COL22A1: variants seen among roughly 807,000 people sequenced by gnomAD.
The protein encoded by COL22A1 is collagen type XXII alpha 1 chain.
A neutral mutation model predicts 248.9 loss-of-function variants in COL22A1; 221 were observed. The observed-to-expected ratio is 0.89, with a 90% CI of 0.80 to 0.99. The LOEUF is 0.99. COL22A1 is among the 50% of genes least tolerant of loss of function. The pLI is 0.00. For missense variants in COL22A1, 2,240 were observed against 2,179.0 expected (o/e 1.03, Z -0.56); for synonymous variants, 891 against 793.4 (o/e 1.12, Z -2.07).
At chr8:138,858,163 C>T (rs1306102272) in intron 3 of COL22A1, among the ~76,000 whole-genome samples, 1 of 152,132 alleles carries the variant, frequency 6.6e-6, no homozygotes, top group African/African-American at 2.4e-5. Context: ...ACGTGTGTGG[C>T]ACCTCCAGCC....
At chr8:138,723,324 TG>T (rs1830044849) in intron 25 of COL22A1, among the ~76,000 whole-genome samples, 1 of 152,102 alleles carries the variant, frequency 6.6e-6, no homozygotes, top group Admixed American at 6.5e-5. Flanking sequence ...GCAGGTGTCC[TG>T]GAAGCCAAGG....
intron 16 of COL22A1, among the ~76,000 whole-genome samples, chr8:138,763,192 G>C (rs2131403123): frequency 6.6e-6 from 1 of 152,242 alleles, no homozygotes; most frequent in South Asian, 2.1e-4. Context: ...TTATAGACCA[G>C]CCTGGCCAAC....
At chr8:138,858,200 G>C (rs1259258907) in intron 3 of COL22A1, among the ~76,000 whole-genome samples, 5 of 152,106 alleles carry the variant, frequency 3.3e-5, no homozygotes, top group Admixed American at 1.3e-4. Context: ...GGCTCACTCT[G>C]CTCAATTCTG....
At chr8:138,838,239 C>T (rs1046658359) in intron 4 of COL22A1, among the ~76,000 whole-genome samples, 1 of 152,146 alleles carries the variant, frequency 6.6e-6, no homozygotes, top group Non-Finnish European at 1.5e-5. Flanking sequence ...CCTGAGGAAT[C>T]TCACAGAGGT....
At position 138,675,197 on chromosome 8, in the gene COL22A1, C is replaced by T. The variant is rs142460750; in HGVS notation, c.3150+1361G>A. Reference sequence around the variant, plus strand: ...ATTTCTGGTGTGGAAGCCAGGAGGCCTGCTCCAAAATGGGAGGACGAAGGA... The same window carrying T: ...ATTTCTGGTGTGGAAGCCAGGAGGCTTGCTCCAAAATGGGAGGACGAAGGA... On this transcript the variant is annotated intron_variant, in intron 41 of 64. Coordinates refer to ENST00000303045, the MANE Select transcript of COL22A1 (RefSeq NM_152888.3). 2.8e-3 allele frequency among the ~76,000 whole-genome samples: 424 copies of T among 152,204 alleles called. 3 individuals are homozygous for T. The highest frequency in any genetic ancestry group is 9.9e-3 in the African/African-American group (411 of 41,520).
At chr8:138,598,646 A>G in intron 61 of COL22A1, 73 bp downstream of exon 61, 1 of 1,428,492 alleles carries the variant, frequency 7.0e-7, no homozygotes, top group South Asian at 1.3e-5. Context: ...GTGCCTCTGA[A>G]GTCCACACAC....
intron 57 of COL22A1, 77 bp from the exon 58 acceptor site, chr8:138,606,529 TC>T (rs1214682359): frequency 8.5e-6 from 12 of 1,412,346 alleles, no homozygotes; most frequent in Non-Finnish European, 1.2e-5. Context: ...TTGTGACCAC[TC>T]TGAAATCAAA....
intron 1 of COL22A1, among the ~76,000 whole-genome samples, chr8:138,892,736 G>T (rs527501288): frequency 1.3e-5 from 2 of 152,232 alleles, no homozygotes; most frequent in Non-Finnish European, 2.9e-5. Flanking sequence ...CCCAGAGGAG[G>T]GGGGAGGAAG....
intron 51 of COL22A1, among the ~76,000 whole-genome samples, chr8:138,625,526 G>C (rs1203299516): frequency 6.6e-6 from 1 of 152,148 alleles, no homozygotes; most frequent in Non-Finnish European, 1.5e-5. Context: ...TAATGAGAAG[G>C]ATATTAAATG....
At chr8:138,912,197 A>C (rs1358203071) in intron 1 of COL22A1, among the ~76,000 whole-genome samples, 2 of 152,238 alleles carry the variant, frequency 1.3e-5, no homozygotes, top group African/African-American at 4.8e-5. Flanking sequence ...AGAGCAACAG[A>C]GTTAGCACTG....
chr8:138,694,764 C>T, intron 33 of COL22A1, 62 bp downstream of exon 33: 1 of 1,580,536 alleles, frequency 6.3e-7, no homozygotes, highest in East Asian at 2.2e-5. Context: ...AGCTGGTCAG[C>T]CTTTGGAGTC....
intron 59 of COL22A1, 110 bp downstream of exon 59, chr8:138,604,624 G>T: frequency 1.2e-6 from 1 of 865,068 alleles, no homozygotes; most frequent in Admixed American, 2.0e-5. Flanking sequence ...AGTGAAGGTA[G>T]AGAGTGTTAA....
At chr8:138,845,946 T>C (rs773152871) in intron 3 of COL22A1, among the ~76,000 whole-genome samples, 1 of 152,176 alleles carries the variant, frequency 6.6e-6, no homozygotes, top group Non-Finnish European at 1.5e-5. Flanking sequence ...ACCCCATTAG[T>C]TCCATATACA....
In COL22A1 at chr8:138,589,429, C is replaced by T. The variant is rs781121978; in HGVS notation, c.4705G>A (p.Glu1569Lys). The T allele has an allele frequency of 4.1e-5, 64 of 1,560,176 alleles. No homozygotes were observed. In the South Asian group the frequency reaches 7.0e-4, roughly 17 times the overall value. The change falls in exon 65 of 65, where the codon GAA becomes AAA. Residue 1569 changes from glutamate (E) to lysine (K), a missense_variant. Coordinates refer to ENST00000303045, the MANE Select transcript of COL22A1 (RefSeq NM_152888.3). ...AGTCCATCTTTAGCATAGCCAGGTT[C>T]CCCGGGTTGACCTGGCCCAAGGAGC... ...GPPGIPGQPG[E>K]PGYAKDGLPG...
In COL22A1 at chr8:138,627,045, T is replaced by C. The variant is rs552144634; in HGVS notation, c.3664-802A>G. Among the ~76,000 whole-genome samples, 19 of 152,302 alleles carry C rather than the reference T, an allele frequency of 1.2e-4. No individual in the cohort carries two copies. The South Asian group carries it at 3.9e-3, about 32-fold the overall frequency. On this transcript the variant is annotated intron_variant, in intron 50 of 64. Transcript: ENST00000303045. ...GCCAGGTTTTACATTCTAATTCACATGCCACACAAAACGAGGTATTCTTAA... is the reference window on the plus strand; with the variant it reads ...GCCAGGTTTTACATTCTAATTCACACGCCACACAAAACGAGGTATTCTTAA...
chr8:138,829,659 C>T (rs926907828), intron 5 of COL22A1, among the ~76,000 whole-genome samples: 4 of 152,176 alleles, frequency 2.6e-5, no homozygotes, highest in Middle Eastern at 3.4e-3. Context: ...AGGCTGGTCT[C>T]GAACCCTGGA....
chr8:138,705,181 G>A (rs1011957557), intron 30 of COL22A1, among the ~76,000 whole-genome samples: 7 of 152,166 alleles, frequency 4.6e-5, no homozygotes, highest in Non-Finnish European at 1.0e-4. Flanking sequence ...GTGACGGGGA[G>A]AATGGAACCA....
At chr8:138,896,045 C>T (rs1825390678) in intron 1 of COL22A1, among the ~76,000 whole-genome samples, 1 of 152,098 alleles carries the variant, frequency 6.6e-6, no homozygotes, top group South Asian at 2.1e-4. Flanking sequence ...AATCTTATAT[C>T]CAGCAAACTC....
chr8:138,675,761 A>G (rs1315323276), intron 41 of COL22A1, among the ~76,000 whole-genome samples: 2 of 152,242 alleles, frequency 1.3e-5, no homozygotes, highest in Admixed American at 6.5e-5. Context: ...AGAAGGAAAG[A>G]AAATATGTGT....
Sources: gnomAD v4.1 joint callset for allele counts (sites outside exome capture counted in the v4.1 genomes callset) on GRCh38, gnomAD v4.1.1 for gene constraint, MANE v1.5 for transcripts, NCBI Gene and HGNC (gene_info 2026-07-23, HGNC 2026-07-21) for gene names.